ASIC2: variants seen among roughly 807,000 people sequenced by gnomAD.
The protein encoded by ASIC2 is acid sensing ion channel subunit 2.
ASIC2 carries 25 observed loss-of-function variants against 57.3 expected under a neutral mutation model. The observed-to-expected ratio is 0.44, with a 90% CI of 0.32 to 0.61. ASIC2 has a LOEUF of 0.61. Ranked by LOEUF, ASIC2 falls within the 20% of genes least tolerant of loss-of-function variation. The pLI is 0.06. For missense variants in ASIC2, 641 were observed against 738.1 expected (o/e 0.87, Z 1.52); for synonymous variants, 319 against 307.5 (o/e 1.04, Z -0.39).
intron 1 of ASIC2, among the ~76,000 whole-genome samples, chr17:33,961,248 A>G (rs1422360097): frequency 6.6e-6 from 1 of 152,244 alleles, no homozygotes; most frequent in Non-Finnish European, 1.5e-5. Context: ...AGGAATGTGC[A>G]GCTATTGGCA....
At chr17:33,392,196 CTCCT>C (rs377322524) in intron 1 of ASIC2, among the ~76,000 whole-genome samples, 3,792 of 37,702 alleles carry the variant, frequency 0.1, 56 homozygotes, top group Non-Finnish European at 0.11. Flanking sequence ...CCTTCCTTCC[CTCCT>C]TCCTTCCTTC....
At chr17:34,106,322 TA>T (rs1911053600) in intron 1 of ASIC2, among the ~76,000 whole-genome samples, 9 of 152,286 alleles carry the variant, frequency 5.9e-5, no homozygotes, top group Admixed American at 2.0e-4. Flanking sequence ...TGACAGTCAG[TA>T]TATGAAGTAT....
At chr17:33,833,751 G>C (rs1422934094) in intron 1 of ASIC2, among the ~76,000 whole-genome samples, 1 of 152,162 alleles carries the variant, frequency 6.6e-6, no homozygotes, top group Non-Finnish European at 1.5e-5. Context: ...CAGACTTATT[G>C]CTGGTTTAAA....
chr17:33,719,952 C>T (rs1176460720), intron 1 of ASIC2, among the ~76,000 whole-genome samples: 4 of 152,196 alleles, frequency 2.6e-5, no homozygotes, highest in Non-Finnish European at 5.9e-5. Context: ...GCAATCTCGG[C>T]TCACTGAAGC....
chr17:33,167,767 A>ACAATCC (rs1357487802), intron 1 of ASIC2, among the ~76,000 whole-genome samples: 1 of 151,724 alleles, frequency 6.6e-6, no homozygotes, highest in African/African-American at 2.4e-5. Flanking sequence ...ACCCCATTTG[A>ACAATCC]CAATCCCAAT....
chr17:33,361,330 G>A (rs1399608825), intron 1 of ASIC2, among the ~76,000 whole-genome samples: 2 of 152,214 alleles, frequency 1.3e-5, no homozygotes, highest in African/African-American at 4.8e-5. Flanking sequence ...ATGTCTTGGA[G>A]AGCATTGAGA....
At chr17:34,115,132 A>T (rs906736018) in intron 1 of ASIC2, among the ~76,000 whole-genome samples, 11 of 152,178 alleles carry the variant, frequency 7.2e-5, no homozygotes, top group Non-Finnish European at 1.5e-4. Context: ...CTCTTGGGGC[A>T]TGGAAAACAA....
chr17:33,258,346 C>A (rs1909153410), intron 1 of ASIC2, among the ~76,000 whole-genome samples: 1 of 152,122 alleles, frequency 6.6e-6, no homozygotes, highest in African/African-American at 2.4e-5. Flanking sequence ...AGACATTAAT[C>A]CATCAGTTAA....
chr17:33,746,366 AGATATACATG>A, intron 1 of ASIC2, among the ~76,000 whole-genome samples: 1 of 149,046 alleles, frequency 6.7e-6, no homozygotes, highest in African/African-American at 2.4e-5. Flanking sequence ...CTATATATGT[AGATATACATG>A]TATATCTACA....
intron 1 of ASIC2, among the ~76,000 whole-genome samples, chr17:33,518,826 CTT>C (rs550019500): frequency 1.4e-5 from 2 of 146,502 alleles, no homozygotes; most frequent in African/African-American, 2.5e-5. Context: ...GATAACTACT[CTT>C]TTTTTTTTTT....
chr17:33,802,393 C>T (rs867368339), intron 1 of ASIC2, among the ~76,000 whole-genome samples: 6 of 152,176 alleles, frequency 3.9e-5, no homozygotes, highest in African/African-American at 7.2e-5. Context: ...TTTCTCAGAA[C>T]GTATTTCTGT....
At chr17:34,099,524 GAA>G (rs1567821352) in intron 1 of ASIC2, among the ~76,000 whole-genome samples, 3 of 116,830 alleles carry the variant, frequency 2.6e-5, no homozygotes, top group Non-Finnish European at 5.1e-5. Context: ...GAAAGAAAAA[GAA>G]AGAAAGAAAG....
At chr17:33,719,854 G>A (rs1237225989) in intron 1 of ASIC2, among the ~76,000 whole-genome samples, 4 of 152,160 alleles carry the variant, frequency 2.6e-5, no homozygotes, top group Admixed American at 6.5e-5. Context: ...GAGAATGAAT[G>A]TGTGTCATCC....
At chr17:34,112,035 CTTTT>C (rs34742762) in intron 1 of ASIC2, among the ~76,000 whole-genome samples, 1 of 151,698 alleles carries the variant, frequency 6.6e-6, no homozygotes, top group Non-Finnish European at 1.5e-5. Context: ...ATATAAAAGA[CTTTT>C]TTTTAAGGTA....
chr17:33,203,741 G>T (rs1906963055), intron 1 of ASIC2, among the ~76,000 whole-genome samples: 1 of 152,156 alleles, frequency 6.6e-6, no homozygotes, highest in South Asian at 2.1e-4. Flanking sequence ...TCAGGTCCCT[G>T]CTCATATAGG....
At chr17:33,312,061 C>T (rs775986186) in intron 1 of ASIC2, among the ~76,000 whole-genome samples, 13 of 152,172 alleles carry the variant, frequency 8.5e-5, no homozygotes, top group East Asian at 1.9e-4. Flanking sequence ...GTTTGAATAT[C>T]GATTGTGCAT....
intron 1 of ASIC2, chr17:34,005,851 T>A (rs1016441988): frequency 5.9e-5 from 9 of 152,266 alleles, no homozygotes; most frequent in African/African-American, 1.9e-4. Flanking sequence ...CATCTCTTTG[T>A]GCCCCTTCCT....
At chr17:33,132,646 A>G (rs1432706713) in intron 1 of ASIC2, among the ~76,000 whole-genome samples, 2 of 152,164 alleles carry the variant, frequency 1.3e-5, no homozygotes, top group African/African-American at 2.4e-5. Context: ...GTAGAGTCCA[A>G]TTTCCTGGGT....
intron 1 of ASIC2, among the ~76,000 whole-genome samples, chr17:34,111,704 T>C (rs11080247): frequency 0.037 from 5,586 of 152,244 alleles, 314 homozygotes; most frequent in African/African-American, 0.12. Context: ...CTGATTCCAA[T>C]CCCGTTTCTT....
Sources: allele counts gnomAD v4.1 joint callset (sites outside exome capture counted in the v4.1 genomes callset), GRCh38; gene constraint gnomAD v4.1.1; transcripts MANE v1.5; gene names NCBI Gene and HGNC (gene_info 2026-07-23, HGNC 2026-07-21).